GABRA4: variants seen among roughly 807,000 people sequenced by gnomAD.
The protein encoded by GABRA4 is gamma-aminobutyric acid receptor subunit alpha-4.
In GABRA4, 12 loss-of-function variants were observed where a neutral mutation model predicts 49.7. That is an observed-to-expected ratio of 0.24 (90% confidence interval 0.15 to 0.39). The LOEUF (loss-of-function observed/expected upper bound fraction) is 0.39. Ranked by LOEUF, GABRA4 falls within the 10% of genes least tolerant of loss-of-function variation. The pLI is 1.00. For missense variants in GABRA4, 506 were observed against 686.0 expected (o/e 0.74, Z 2.93); for synonymous variants, 288 against 240.2 (o/e 1.20, Z -1.84).
intron 8 of GABRA4, among the ~76,000 whole-genome samples, chr4:46,946,189 C>T (rs1721971656): frequency 6.6e-6 from 1 of 152,116 alleles, no homozygotes; most frequent in Non-Finnish European, 1.5e-5. Context: ...CTCACTGAAA[C>T]CCTTTAAGCT....
chr4:46,929,107 C>T (rs756532386), intron 8 of GABRA4, among the ~76,000 whole-genome samples: 3 of 151,866 alleles, frequency 2.0e-5, no homozygotes, highest in Non-Finnish European at 1.5e-5. Flanking sequence ...ATTTGTTTAG[C>T]TTTATTGCAA....
chr4:46,975,676 T>C (rs541514412), intron 5 of GABRA4, among the ~76,000 whole-genome samples: 122 of 152,076 alleles, frequency 8.0e-4, no homozygotes, highest in Non-Finnish European at 1.3e-3. Flanking sequence ...GAACACGAAC[T>C]ATGTTCAAGT....
chr4:46,965,322 G>A, intron 7 of GABRA4, 93 bp from the exon 8 acceptor site: 2 of 1,073,858 alleles, frequency 1.9e-6, no homozygotes. Flanking sequence ...AAAATCATGT[G>A]GAATAGGGTT....
intron 8 of GABRA4, among the ~76,000 whole-genome samples, chr4:46,950,412 A>G (rs1168547986): frequency 2.0e-5 from 3 of 152,080 alleles, no homozygotes; most frequent in Non-Finnish European, 2.9e-5. Context: ...ATCATCATTC[A>G]TGACAAATTC....
At position 46,974,201 on chromosome 4, in the gene GABRA4, G is replaced by C. The variant is rs755257253; in HGVS notation, c.721+31C>G. On this transcript the variant is annotated intron_variant, in intron 6 of 8. Transcript: ENST00000264318. ...AAAACTTTATTGCTAACACCAAGTA[G>C]CATGTCGGCTTTAATCATTACACAT... 5.1e-6 allele frequency: 8 copies of C among 1,584,070 alleles called. No homozygotes were observed. The African/African-American group carries it at 1.1e-4, about 21-fold the overall frequency.
Position 46,993,489 on chromosome 4 carries a change from G to C in GABRA4, c.-65C>G. ...AGGCTCTTCAGATGCCCTGAGCAGG[G>C]TGCGAGGAGAGGGCAGAGAGGCTCC... On this transcript the variant is annotated 5_prime_UTR_variant, in exon 1 of 9. Coordinates refer to ENST00000264318, the MANE Select transcript of GABRA4 (RefSeq NM_000809.4). 6.5e-7 allele frequency: 1 copy of C among 1,544,198 alleles called. No individual in the cohort carries two copies. Among genetic ancestry groups the C allele is most frequent in the Non-Finnish European group, 8.9e-7 (1 of 1,117,912 alleles).
At chr4:46,987,269 A>T in intron 2 of GABRA4, among the ~76,000 whole-genome samples, 1 of 152,122 alleles carries the variant, frequency 6.6e-6, no homozygotes, top group East Asian at 1.9e-4. Flanking sequence ...CTTCTCATTC[A>T]TTAGAAGACT....
Position 46,978,542 on chromosome 4 carries a change from C to A in GABRA4, c.273+489G>T, listed in dbSNP as rs549740818. Among the ~76,000 whole-genome samples the A allele has an allele frequency of 4.6e-5, 7 of 151,486 alleles. No homozygotes were observed. The East Asian group carries it at 1.4e-3, about 30-fold the overall frequency. Reference sequence around the variant, plus strand: ...ATCTCTACTAGAAACACAAAATTAGCCAGGCACGGTGGGGCATGCCTGCAT... The same window carrying A: ...ATCTCTACTAGAAACACAAAATTAGACAGGCACGGTGGGGCATGCCTGCAT... On this transcript the variant is annotated intron_variant, in intron 3 of 8. Transcript: ENST00000264318.
rs1241257813 is a variant in GABRA4, at chr4:46,922,266, G to C, written c.*5959C>G. ...ATAGGCCGCCCAAATGTCAAAAATA[G>C]ATATAAAAATATGGTGCCTGGGCAG... On this transcript the variant is annotated 3_prime_UTR_variant, in exon 9 of 9. Transcript: ENST00000264318. The C allele has an allele frequency of 2.0e-5, 3 of 152,074 alleles. No individual in the cohort carries two copies. The highest frequency in any genetic ancestry group is 4.4e-5 in the Non-Finnish European group (3 of 67,998). 9.4% of individuals were successfully genotyped at this position (152,074 alleles called of 1,614,324 possible). A position where few individuals can be genotyped will look rare whatever the true frequency, so the allele number is the denominator to read the frequency against.
In GABRA4 at chr4:46,928,441, C is replaced by A. The variant is rs775890987; in HGVS notation, c.1449G>T (p.Leu483=). ...TATTAACTGTGGTCTTTATCCTCTG[C>A]AGTCTTGATCCAAACACGTGACGAG... The part of the protein sequence containing the change: ...ASTRHVFGSR[L]QRIKTTVNTI... The change falls in exon 9 of 9, where the codon CTG becomes CTT. Residue 483 remains leucine, a synonymous_variant. Transcript: ENST00000264318. The A allele has an allele frequency of 1.9e-6, 3 of 1,613,664 alleles. No individual in the cohort carries two copies. The highest frequency in any genetic ancestry group is 4.5e-5 in the East Asian group (2 of 44,856).
chr4:46,977,292 G>A (rs1723171320), intron 4 of GABRA4, 118 bp downstream of exon 4: 1 of 607,352 alleles, frequency 1.6e-6, no homozygotes. Context: ...AAGGGAGGGA[G>A]GAAGGGAGGG....
intron 7 of GABRA4, among the ~76,000 whole-genome samples, chr4:46,968,788 A>G (rs1722853122): frequency 6.6e-6 from 1 of 151,518 alleles, no homozygotes; most frequent in Admixed American, 6.6e-5. Context: ...AATTTCTATT[A>G]TTTTGGGACA....
chr4:46,940,063 T>A (rs1721739032), intron 8 of GABRA4, among the ~76,000 whole-genome samples: 1 of 152,026 alleles, frequency 6.6e-6, no homozygotes, highest in Admixed American at 6.6e-5. Flanking sequence ...TTGAAGACAC[T>A]TTCCCTGTGA....
At chr4:46,970,199 T>TTATCA (rs1722901310) in intron 7 of GABRA4, among the ~76,000 whole-genome samples, 1 of 151,424 alleles carries the variant, frequency 6.6e-6, no homozygotes, top group African/African-American at 2.4e-5. Flanking sequence ...CAGCATCTCT[T>TTATCA]CAGCTATTGT....
chr4:46,945,184 T>C (rs1721942036), intron 8 of GABRA4, among the ~76,000 whole-genome samples: 1 of 152,134 alleles, frequency 6.6e-6, no homozygotes, highest in South Asian at 2.1e-4. Flanking sequence ...TAGTAGTTAA[T>C]GGACTGTTTA....
chr4:46,991,619 C>G (rs1164181701), intron 2 of GABRA4, among the ~76,000 whole-genome samples: 1 of 152,202 alleles, frequency 6.6e-6, no homozygotes, highest in African/African-American at 2.4e-5. Context: ...ACTCATCACA[C>G]AGCATCTGAT....
rs187486466 is a variant in GABRA4, at chr4:46,989,828, C to A, written c.205+3000G>T. On this transcript the variant is annotated intron_variant, in intron 2 of 8. Transcript: ENST00000264318. ...AAATCCATATTTATAGCCTACTAGT[C>A]AAAATCTGGATTGTTTTCATTTTAT... Among the ~76,000 whole-genome samples the A allele has an allele frequency of 1.6e-4, 25 of 152,308 alleles. No homozygotes were observed. In the East Asian group the frequency reaches 4.6e-3, roughly 28 times the overall value.
intron 3 of GABRA4, 70 bp from the exon 4 acceptor site, chr4:46,977,700 T>C: frequency 9.7e-7 from 1 of 1,027,532 alleles, no homozygotes. Context: ...AATAATGCAT[T>C]AAATTCTGTC....
At chr4:46,935,899 T>C (rs1246116153) in intron 8 of GABRA4, among the ~76,000 whole-genome samples, 1 of 152,040 alleles carries the variant, frequency 6.6e-6, no homozygotes, top group Non-Finnish European at 1.5e-5. Context: ...GAGAAATAAA[T>C]ACAAATAAAT....
Sources: allele counts gnomAD v4.1 joint callset (sites outside exome capture counted in the v4.1 genomes callset), GRCh38; gene constraint gnomAD v4.1.1; transcripts MANE v1.5; gene names NCBI Gene and HGNC (gene_info 2026-07-23, HGNC 2026-07-21).